B4GALNT3: variants seen among roughly 807,000 people sequenced by gnomAD.
B4GALNT3 encodes beta-1,4-N-acetyl-galactosaminyltransferase 3.
A neutral mutation model predicts 120.2 loss-of-function variants in B4GALNT3; 86 were observed. The observed-to-expected ratio is 0.72, with a 90% CI of 0.60 to 0.86. The LOEUF is 0.86. B4GALNT3 is among the 40% of genes least tolerant of loss of function. B4GALNT3 has a pLI of 0.00. For missense variants in B4GALNT3, 1,167 were observed against 1,298.9 expected, an observed-to-expected ratio of 0.90 and a Z score of 1.56; for synonymous variants, 518 against 510.4, an observed-to-expected ratio of 1.01 and a Z score of -0.20.
At position 550,394 on chromosome 12, in the gene B4GALNT3, T is replaced by C. The variant is rs4991141; in HGVS notation, c.997+482T>C. ...ATCCTGGCACTTTGGGATGCTGAGGTGGGAGGATCGCTTGAGCCCAGGAGG... is the reference window on the plus strand; with the variant it reads ...ATCCTGGCACTTTGGGATGCTGAGGCGGGAGGATCGCTTGAGCCCAGGAGG... On this transcript the variant is annotated intron_variant, in intron 10 of 19. Transcript: ENST00000266383. This position sits in a 1 kb window ranked among gnomAD's most constrained non-coding sequence, Gnocchi z 4.1. Among the ~76,000 whole-genome samples, 19,815 of 151,996 alleles carry C rather than the reference T, an allele frequency of 0.13. 1,583 individuals carry two copies. Among genetic ancestry groups the C allele is most frequent in the Admixed American group, 0.25 (3,770 of 15,248 alleles).
intron 1 of B4GALNT3, among the ~76,000 whole-genome samples, chr12:465,184 T>C (rs1221422986): frequency 1.3e-5 from 2 of 152,136 alleles, no homozygotes; most frequent in African/African-American, 4.8e-5. Context: ...GGAACCTCCT[T>C]TTCACGTGGT....
chr12:547,303 T>A (rs1314975678), intron 7 of B4GALNT3, among the ~76,000 whole-genome samples: 1 of 152,108 alleles, frequency 6.6e-6, no homozygotes, highest in African/African-American at 2.4e-5. Flanking sequence ...GTAACAACAA[T>A]GGATTGTGTA....
At chr12:551,956 C>T in intron 11 of B4GALNT3, 107 bp from the exon 12 acceptor site, 1 of 860,222 alleles carries the variant, frequency 1.2e-6, no homozygotes, top group Non-Finnish European at 2.0e-6. Flanking sequence ...GGGCGGGTCC[C>T]TAGCAGCCCT....
At chr12:500,792 G>A (rs1237621210) in intron 1 of B4GALNT3, among the ~76,000 whole-genome samples, 1 of 148,740 alleles carries the variant, frequency 6.7e-6, no homozygotes, top group Non-Finnish European at 1.5e-5. Flanking sequence ...AGTGCTCAAT[G>A]CCCGTATTAT....
At chr12:511,963 TCCA>T in intron 1 of B4GALNT3, among the ~76,000 whole-genome samples, 1 of 141,756 alleles carries the variant, frequency 7.1e-6, no homozygotes, top group Admixed American at 6.9e-5. Flanking sequence ...CCTTCCACCT[TCCA>T]CCTTCCGCCT....
At chr12:527,355 C>T (rs1946766776) in intron 1 of B4GALNT3, among the ~76,000 whole-genome samples, 1 of 152,226 alleles carries the variant, frequency 6.6e-6, no homozygotes, top group Admixed American at 6.5e-5. Flanking sequence ...TCTTGGGCCC[C>T]CTTAGGGGGC....
chr12:553,828 C>T lies in B4GALNT3; in HGVS notation c.1905C>T (p.Asp635=), dbSNP rs756437124. The T allele has an allele frequency of 5.6e-6, 9 of 1,614,084 alleles. No individual in the cohort carries two copies. The highest frequency in any genetic ancestry group is 8.5e-7 in the Non-Finnish European group (1 of 1,180,040). ...VPVFDPVVNW[D]QTFSARNLDF... ...TGTTTGACCCGGTAGTAAACTGGGA[C>T]CAGACCTTCAGTGCCCGGAATCTCG... Residue 635 remains aspartate, a synonymous_variant, in exon 14 of 20, where the codon GAC becomes GAT. Transcript: ENST00000266383.
Position 497,709 on chromosome 12 carries a change from C to A in B4GALNT3, c.169+37164C>A, listed in dbSNP as rs946807830. Among the ~76,000 whole-genome samples the A allele has an allele frequency of 2.6e-5, 4 of 152,198 alleles. No individual in the cohort carries two copies. In the East Asian group the frequency reaches 7.7e-4, roughly 29 times the overall value. On this transcript the variant is annotated intron_variant, in intron 1 of 19. Coordinates refer to ENST00000266383, the MANE Select transcript of B4GALNT3 (RefSeq NM_173593.4). ...GGCTTTGTTCATTGTTGTTGAGCAC[C>A]GAGCCAGGTGGTCACTTTTCCTCAT...
At chr12:533,007 T>A (rs1005891827) in intron 1 of B4GALNT3, among the ~76,000 whole-genome samples, 2 of 152,188 alleles carry the variant, frequency 1.3e-5, no homozygotes, top group African/African-American at 4.8e-5. Context: ...CCCACAAGCT[T>A]CTCTTGAGTA....
Position 551,023 on chromosome 12 carries a change from C to G in B4GALNT3, c.1099C>G (p.Leu367Val), listed in dbSNP as rs756960351. ...DGLPLQRYQG[L>V]RFVHLSFVYP... Reference sequence around the variant, plus strand: ...GCTTCCTCTGCAGCGCTACCAGGGACTCCGGTTTGTAAGTCTTGGGCCTGG... The same window carrying G: ...GCTTCCTCTGCAGCGCTACCAGGGAGTCCGGTTTGTAAGTCTTGGGCCTGG... Residue 367 changes from leucine (L) to valine (V), a missense_variant, in exon 11 of 20, where the codon CTC (leucine) becomes GTC (valine). By Grantham distance (32) the Leu-to-Val change is conservative. Around this residue, in one of 3 missense-constraint regions of B4GALNT3, gnomAD observed 983 missense variants for 1,102.5 expected, o/e 0.89. Transcript: ENST00000266383. The G allele has an allele frequency of 9.3e-6, 15 of 1,610,058 alleles. No individual in the cohort carries two copies. In the South Asian group the frequency reaches 1.4e-4, roughly 15 times the overall value.
At position 553,513 on chromosome 12, in the gene B4GALNT3, C is replaced by T. The variant is rs550087703; in HGVS notation, c.1590C>T (p.Asp530=). ...PEPSQDSPHS[D]KWPPGHPVKN... is the part of the protein sequence containing the mutation. ...CCAGCCAAGATTCACCTCATTCCGA[C>T]AAGTGGCCTCCTGGGCACCCTGTGA... Residue 530 remains aspartate (D), a synonymous_variant, in exon 14 of 20, where the codon GAC becomes GAT. Transcript: ENST00000266383. 1.9e-6 allele frequency: 3 copies of T among 1,614,006 alleles called. No individual in the cohort carries two copies. The South Asian group carries it at 3.3e-5, about 18-fold the overall frequency.
Position 550,787 on chromosome 12 carries a change from C to T in B4GALNT3, c.998-135C>T. On this transcript the variant is annotated intron_variant, in intron 10 of 19. Coordinates refer to ENST00000266383, the MANE Select transcript of B4GALNT3 (RefSeq NM_173593.4). This position sits in a 1 kb window ranked among gnomAD's most constrained non-coding sequence, Gnocchi z 4.1. ...GGTGCGTGGGGCAGCCTCCAGCTGG[C>T]AGCCTCAGCCACAGACGTCGGCAGA... 5.7e-6 allele frequency: 4 copies of T among 695,824 alleles called. No homozygotes were observed. The South Asian group carries it at 7.6e-5, about 13-fold the overall frequency. The allele number at this position is 695,824 out of a possible 1,614,324, so 43.1% of individuals were successfully genotyped here.
Position 536,274 on chromosome 12 carries a change from G to A in B4GALNT3, c.330G>A (p.Lys110=), listed in dbSNP as rs1946858516. Residue 110 remains lysine (K), a synonymous_variant, in exon 3 of 20, where the codon AAG becomes AAA. Coordinates refer to ENST00000266383, the MANE Select transcript of B4GALNT3 (RefSeq NM_173593.4). ...ACAGCAGCTACTTGAAGTGGAACAA[G>A]CCTGTCCCCTGGCTCTCAGAGGTGA... ...SSNSSYLKWN[K]PVPWLSEFRG... The A allele has an allele frequency of 3.7e-6, 6 of 1,613,920 alleles. No homozygotes were observed. The highest frequency in any genetic ancestry group is 5.1e-6 in the Non-Finnish European group (6 of 1,179,900).
At chr12:506,380 A>G (rs1261197548) in intron 1 of B4GALNT3, among the ~76,000 whole-genome samples, 1 of 152,190 alleles carries the variant, frequency 6.6e-6, no homozygotes, top group Non-Finnish European at 1.5e-5. Context: ...TCTTTCAATC[A>G]CAGGGACAAT....
At chr12:491,434 A>G (rs1374627574) in intron 1 of B4GALNT3, among the ~76,000 whole-genome samples, 2 of 151,804 alleles carry the variant, frequency 1.3e-5, no homozygotes. Context: ...GGCTCAAACA[A>G]TCCTTGCTCT....
chr12:535,952 G>A (rs7308483), intron 2 of B4GALNT3, among the ~76,000 whole-genome samples: 41,254 of 152,012 alleles, frequency 0.27, 6,485 homozygotes, highest in African/African-American at 0.43. Flanking sequence ...AGAGGGAGCC[G>A]AGGTCCCTGC....
At chr12:490,726 T>C in intron 1 of B4GALNT3, among the ~76,000 whole-genome samples, 1 of 111,504 alleles carries the variant, frequency 9.0e-6, no homozygotes, top group East Asian at 2.5e-4. Context: ...AGACACTGTC[T>C]CAAAAAAAAA....
chr12:469,536 A>C (rs1439385977), intron 1 of B4GALNT3, among the ~76,000 whole-genome samples: 1 of 152,122 alleles, frequency 6.6e-6, no homozygotes, highest in African/African-American at 2.4e-5. Flanking sequence ...AGCACTTGCC[A>C]CCAAATACAC....
rs1946014554 is a variant in B4GALNT3, at chr12:460,823, A to C, written c.169+278A>C. ...CGTCTCCCCTCGGAGAGCGACCCGG[A>C]GAGAGGCTCCCCGCCCGTCCCGCCG... On this transcript the variant is annotated intron_variant, in intron 1 of 19. Coordinates refer to ENST00000266383, the MANE Select transcript of B4GALNT3 (RefSeq NM_173593.4). This position sits in a 1 kb window ranked among gnomAD's most constrained non-coding sequence, Gnocchi z 8.0. Among the ~76,000 whole-genome samples the C allele has an allele frequency of 6.6e-6, 1 of 151,712 alleles. No homozygotes were observed. The highest frequency in any genetic ancestry group is 2.1e-4 in the South Asian group (1 of 4,808).
Sources: gnomAD v4.1 joint callset for allele counts (sites outside exome capture counted in the v4.1 genomes callset) on GRCh38, gnomAD v4.1.1 for gene constraint, gnomAD v4.1.1 regional missense constraint, Gnocchi (gnomAD v3.1) non-coding constraint, MANE v1.5 for transcripts, NCBI Gene and HGNC (gene_info 2026-07-23, HGNC 2026-07-21) for gene names.